The following PPHLN1 variants were observed in gnomAD, a reference collection of about 807,000 sequenced individuals.
PPHLN1 encodes periphilin 1.
PPHLN1 carries 29 observed loss-of-function variants against 51.3 expected under a neutral mutation model. The observed-to-expected ratio is 0.57, with a 90% CI of 0.42 to 0.77. The LOEUF is 0.77. Among genes scored for constraint, PPHLN1 ranks in the 30% least tolerant of loss-of-function variants. The probability of loss-of-function intolerance (pLI) is 0.00; values close to 1 mark genes in which losing one functional copy is unlikely to be tolerated. For missense variants in PPHLN1, 436 were observed against 438.4 expected (o/e 0.99, Z 0.05); for synonymous variants, 147 against 147.8 (o/e 0.99, Z 0.04).
At chr12:42,330,796 G>A (rs1353401251) in intron 1 of PPHLN1, among the ~76,000 whole-genome samples, 3 of 152,076 alleles carry the variant, frequency 2.0e-5, no homozygotes, top group Non-Finnish European at 2.9e-5. Context: ...TGCAACCTTC[G>A]CCTCTCGGGT....
chr12:42,395,721 TTAAATC>T (rs956189954), intron 8 of PPHLN1, among the ~76,000 whole-genome samples: 2 of 152,094 alleles, frequency 1.3e-5, no homozygotes, highest in African/African-American at 2.4e-5. Context: ...GCGTGTCTGT[TTAAATC>T]TAATTGTGGC....
intron 9 of PPHLN1, among the ~76,000 whole-genome samples, chr12:42,404,493 C>T (rs1413910155): frequency 7.4e-5 from 11 of 148,876 alleles, no homozygotes; most frequent in Admixed American, 7.3e-4. Flanking sequence ...TGCGCCCTTG[C>T]ACTCCAGCCT....
chr12:42,438,702 G>A (rs2897568), intron 9 of PPHLN1, among the ~76,000 whole-genome samples: 30,303 of 152,010 alleles, frequency 0.2, 3,418 homozygotes, highest in African/African-American at 0.3. Context: ...CCCAGGTTCA[G>A]GTGATTCTCC....
chr12:42,348,000 T>C (rs143666869), intron 2 of PPHLN1, among the ~76,000 whole-genome samples: 178 of 152,346 alleles, frequency 1.2e-3, no homozygotes, highest in African/African-American at 4.2e-3. Flanking sequence ...GATAGTATAA[T>C]GTACATATAT....
At chr12:42,432,327 G>A (rs1183559753) in intron 9 of PPHLN1, 2 of 742,072 alleles carry the variant, frequency 2.7e-6, no homozygotes, top group Admixed American at 3.6e-5. Flanking sequence ...TCATTAATCT[G>A]TAGGCATTCC....
chr12:42,372,681 C>G (rs1252968695), intron 4 of PPHLN1, among the ~76,000 whole-genome samples: 2 of 151,968 alleles, frequency 1.3e-5, no homozygotes, highest in African/African-American at 4.8e-5. Context: ...TCCTCTATAC[C>G]AGGCTTTAAG....
chr12:42,429,751 T>C (rs939678528), intron 9 of PPHLN1, among the ~76,000 whole-genome samples: 3 of 152,236 alleles, frequency 2.0e-5, no homozygotes, highest in Non-Finnish European at 4.4e-5. Flanking sequence ...TTCACACTCA[T>C]GTCAGCATTT....
chr12:42,421,503 A>G (rs1254827219), intron 9 of PPHLN1, among the ~76,000 whole-genome samples: 1 of 151,994 alleles, frequency 6.6e-6, no homozygotes, highest in Non-Finnish European at 1.5e-5. Flanking sequence ...ATGCACCACC[A>G]TGCCTGGCTA....
intron 6 of PPHLN1, 132 bp downstream of exon 6, chr12:42,385,128 C>T (rs1308803148): frequency 2.2e-6 from 2 of 913,962 alleles, no homozygotes; most frequent in East Asian, 2.7e-5. Context: ...TAGCAGTAGA[C>T]CTAGGTACTA....
At chr12:42,397,651 T>C (rs1195079588) in intron 8 of PPHLN1, among the ~76,000 whole-genome samples, 1 of 152,200 alleles carries the variant, frequency 6.6e-6, no homozygotes, top group Non-Finnish European at 1.5e-5. Context: ...AGAATGTTGC[T>C]AGTGGAATTC....
At chr12:42,419,983 A>G (rs2080838984) in intron 9 of PPHLN1, among the ~76,000 whole-genome samples, 1 of 152,230 alleles carries the variant, frequency 6.6e-6, no homozygotes, top group Non-Finnish European at 1.5e-5. Flanking sequence ...ATAGGATATC[A>G]TAGTCAAAAC....
chr12:42,445,246 C>G (rs2083247185), downstream of PPHLN1: 1 of 603,634 alleles, frequency 1.7e-6, no homozygotes. Flanking sequence ...CTTAACCAAG[C>G]CACCCAATCA....
chr12:42,340,866 CG>C (rs753603751), intron 2 of PPHLN1, among the ~76,000 whole-genome samples: 32 of 151,886 alleles, frequency 2.1e-4, no homozygotes, highest in Non-Finnish European at 3.8e-4. Context: ...AACCCACTAT[CG>C]TTAGTGCTTG....
chr12:42,423,033 G>A (rs1462108941), intron 9 of PPHLN1, among the ~76,000 whole-genome samples: 1 of 152,164 alleles, frequency 6.6e-6, no homozygotes, highest in East Asian at 1.9e-4. Flanking sequence ...TGACAGCATG[G>A]TTCTAACATT....
intron 4 of PPHLN1, among the ~76,000 whole-genome samples, chr12:42,368,575 G>GT (rs1218343509): frequency 4.6e-5 from 7 of 152,170 alleles, no homozygotes; most frequent in Non-Finnish European, 7.4e-5. Context: ...TGTTGAATCT[G>GT]TATCTGCCAT....
At chr12:42,429,559 A>G (rs757028066) in intron 9 of PPHLN1, among the ~76,000 whole-genome samples, 1 of 152,182 alleles carries the variant, frequency 6.6e-6, no homozygotes, top group Non-Finnish European at 1.5e-5. Context: ...AATAATTACA[A>G]CACTTTATAT....
At chr12:42,443,619 T>C (rs1378210776), downstream of PPHLN1, 1 of 152,226 alleles carries the variant, frequency 6.6e-6, no homozygotes, top group Non-Finnish European at 1.5e-5. Context: ...AGTAAATTAG[T>C]TGAGCAATTA....
chr12:42,333,110 G>A (rs1217692222), intron 1 of PPHLN1, among the ~76,000 whole-genome samples: 3 of 152,030 alleles, frequency 2.0e-5, no homozygotes, highest in Non-Finnish European at 4.4e-5. Flanking sequence ...TTCATACCTG[G>A]TCTTTTTACT....
intron 4 of PPHLN1, 185 bp from the exon 5 acceptor site, chr12:42,374,678 T>C: frequency 2.5e-6 from 1 of 406,110 alleles, no homozygotes; most frequent in Non-Finnish European, 4.4e-6. Context: ...ATGGTCTCCA[T>C]CTCCTGACCT....
Sources: allele counts gnomAD v4.1 joint callset (sites outside exome capture counted in the v4.1 genomes callset), GRCh38; gene constraint gnomAD v4.1.1; transcripts MANE v1.5; gene names NCBI Gene and HGNC (gene_info 2026-07-23, HGNC 2026-07-21).